Variants in DTL observed in about 807,000 individuals in gnomAD.
DTL encodes denticleless E3 ubiquitin protein ligase adapter, also known as denticleless protein homolog.
In DTL, 46 loss-of-function variants were observed where a neutral mutation model predicts 87.0. The observed-to-expected ratio is 0.53, with a 90% CI of 0.42 to 0.68. The LOEUF (loss-of-function observed/expected upper bound fraction) is 0.68. Ranked by LOEUF, DTL falls within the 30% of genes least tolerant of loss-of-function variation. The pLI, the probability that DTL is intolerant of heterozygous loss-of-function variation, is 0.00. For missense variants in DTL, 737 were observed against 869.4 expected, an observed-to-expected ratio of 0.85 and a Z score of 1.91; for synonymous variants, 308 against 311.2, an observed-to-expected ratio of 0.99 and a Z score of 0.11.
intron 1 of DTL, among the ~76,000 whole-genome samples, 153 bp downstream of exon 1, chr1:212,036,095 G>A (rs1004431832): frequency 6.6e-5 from 10 of 152,294 alleles, no homozygotes; most frequent in African/African-American, 1.9e-4. Flanking sequence ...GACTACTAAA[G>A]AAAGCTGTAC....
intron 12 of DTL, 24 bp downstream of exon 12, chr1:212,078,286 T>C: frequency 7.2e-7 from 1 of 1,390,452 alleles, no homozygotes; most frequent in Non-Finnish European, 1.0e-6. Flanking sequence ...TCTCTATAGT[T>C]GGTTTAAAAT....
chr1:212,041,605 ACT>A (rs1223265920), intron 1 of DTL, among the ~76,000 whole-genome samples: 1 of 150,714 alleles, frequency 6.6e-6, no homozygotes, highest in African/African-American at 2.4e-5. Flanking sequence ...TCCCAGGTTC[ACT>A]CTATTCTCCT....
intron 13 of DTL, among the ~76,000 whole-genome samples, chr1:212,083,253 T>C (rs906784330): frequency 1.3e-5 from 2 of 152,172 alleles, no homozygotes; most frequent in African/African-American, 4.8e-5. Flanking sequence ...CCTTATAATA[T>C]TGTCAGATCT....
intron 13 of DTL, among the ~76,000 whole-genome samples, chr1:212,097,991 C>T (rs529400661): frequency 2.2e-3 from 333 of 152,262 alleles, no homozygotes; most frequent in African/African-American, 7.7e-3. Context: ...TGTTATTGCT[C>T]TTCTGGGTCG....
chr1:212,050,771 T>G (rs1667947597), intron 5 of DTL, among the ~76,000 whole-genome samples: 1 of 152,178 alleles, frequency 6.6e-6, no homozygotes. Context: ...TGTTCTCTTT[T>G]AGTTGTTACT....
chr1:212,066,701 A>G, intron 7 of DTL, 111 bp from the exon 8 acceptor site: 7 of 768,454 alleles, frequency 9.1e-6, no homozygotes, highest in Non-Finnish European at 1.5e-5. Flanking sequence ...ATTAGACAAG[A>G]CTTCATCTAA....
intron 5 of DTL, among the ~76,000 whole-genome samples, chr1:212,051,296 C>T (rs1220757586): frequency 6.6e-6 from 1 of 152,032 alleles, no homozygotes; most frequent in Non-Finnish European, 1.5e-5. Context: ...TTTTTCCTCT[C>T]CTCTGATATC....
chr1:212,062,991 C>T, intron 6 of DTL, 42 bp downstream of exon 6: 1 of 1,464,778 alleles, frequency 6.8e-7, no homozygotes, highest in Non-Finnish European at 9.6e-7. Context: ...TTGGGATTAC[C>T]CTGTACTTAA....
intron 11 of DTL, among the ~76,000 whole-genome samples, chr1:212,073,726 A>G (rs1473506570): frequency 6.6e-6 from 1 of 152,128 alleles, no homozygotes; most frequent in East Asian, 1.9e-4. Context: ...CTTTTTCTAC[A>G]AGCATATTTC....
intron 13 of DTL, 138 bp downstream of exon 13, chr1:212,080,888 T>TG: frequency 5.5e-6 from 5 of 904,012 alleles, no homozygotes; most frequent in Non-Finnish European, 8.2e-6. Flanking sequence ...TCATTCTTTT[T>TG]GATAAGTATT....
chr1:212,080,777 T>G, intron 13 of DTL, 27 bp downstream of exon 13: 2 of 1,610,722 alleles, frequency 1.2e-6, no homozygotes, highest in Non-Finnish European at 1.7e-6. Context: ...CTTTCCAAGT[T>G]TTTTATGGTT....
At chr1:212,087,935 C>T (rs1198562438) in intron 13 of DTL, among the ~76,000 whole-genome samples, 2 of 151,826 alleles carry the variant, frequency 1.3e-5, no homozygotes, top group African/African-American at 4.8e-5. Flanking sequence ...CTCTTTTTCT[C>T]CTGCCCTACC....
At chr1:212,046,891 A>G (rs1213825546) in intron 3 of DTL, among the ~76,000 whole-genome samples, 1 of 152,186 alleles carries the variant, frequency 6.6e-6, no homozygotes, top group Non-Finnish European at 1.5e-5. Context: ...GGTTGAATTA[A>G]TTTACATTCC....
In DTL at chr1:212,100,637, T is replaced by C. The variant is rs564756188; in HGVS notation, c.1647T>C (p.Asn549=). The change falls in exon 14 of 15, where the codon AAT becomes AAC. Residue 549 remains asparagine (N), a synonymous_variant. Transcript: ENST00000366991. The part of the protein sequence containing the change: ...SQAEACSESR[N]RVKRRLDSSC... ...CAGAGGCTTGCTCTGAGTCTAGAAA[T>C]AGAGTAAAGAGGAGGCTAGACTCAA... The C allele has an allele frequency of 1.9e-6, 3 of 1,613,714 alleles. No homozygotes were observed. Among genetic ancestry groups the C allele is most frequent in the South Asian group, 2.2e-5 (2 of 91,048 alleles).
chr1:212,061,739 G>A lies in DTL; in HGVS notation c.461-1145G>A, dbSNP rs1654324614. Among the ~76,000 whole-genome samples, 3 of 152,166 alleles carry A rather than the reference G, an allele frequency of 2.0e-5. No individual in the cohort carries two copies. In the South Asian group the frequency reaches 6.2e-4, roughly 32 times the overall value. On this transcript the variant is annotated intron_variant, in intron 5 of 14. Transcript: ENST00000366991. Reference sequence around the variant, plus strand: ...GAAATGTCATTCACATCAACATTATGTTAAACAAGCCAGGCACAAAAGATA... The same window carrying A: ...GAAATGTCATTCACATCAACATTATATTAAACAAGCCAGGCACAAAAGATA...
chr1:212,059,944 A>G (rs1028576996), intron 5 of DTL, among the ~76,000 whole-genome samples: 1 of 152,156 alleles, frequency 6.6e-6, no homozygotes, highest in African/African-American at 2.4e-5. Context: ...ACAAAAAAAT[A>G]AAACACTTAG....
rs1019387339 is a variant in DTL at position 212,035,789 on chromosome 1, C to A, written c.-102C>A. The stretch of plus-strand genomic sequence containing the variant: ...GGCTTACAGTGGCGGGAGTTGGAGG[C>A]GATAACGATTTGTGTTGTGAGAGGC... On this transcript the variant is annotated 5_prime_UTR_variant, in exon 1 of 15. Coordinates refer to ENST00000366991, the MANE Select transcript of DTL (RefSeq NM_016448.4). The A allele has an allele frequency of 1.8e-6, 2 of 1,095,126 alleles. No individual in the cohort carries two copies. Among genetic ancestry groups the A allele is most frequent in the African/African-American group, 1.6e-5 (1 of 64,360 alleles). The allele number at this position is 1,095,126 out of a possible 1,614,324, so 67.8% of individuals were successfully genotyped here. A position where few individuals can be genotyped will look rare whatever the true frequency, so the allele number is the denominator to read the frequency against.
Position 212,097,421 on chromosome 1 carries a change from C to A in DTL, c.1262-2831C>A, listed in dbSNP as rs564457714. 9.2e-5 allele frequency among the ~76,000 whole-genome samples: 14 copies of A among 151,702 alleles called. No individual in the cohort carries two copies. The East Asian group carries it at 2.5e-3, about 28-fold the overall frequency. On this transcript the variant is annotated intron_variant, in intron 13 of 14. Transcript: ENST00000366991. The stretch of plus-strand genomic sequence containing the variant: ...GAGCAAGGCCAGAGAAGTTTTTATT[C>A]TTTTGCCTTTGTCTTTGTTGAATTG...
At chr1:212,097,652 T>C (rs1469374124) in intron 13 of DTL, among the ~76,000 whole-genome samples, 1 of 152,216 alleles carries the variant, frequency 6.6e-6, no homozygotes, top group Non-Finnish European at 1.5e-5. Context: ...TAAATTTAAG[T>C]TGGTTTTCAT....
Sources: gnomAD v4.1 joint callset for allele counts (sites outside exome capture counted in the v4.1 genomes callset) on GRCh38, gnomAD v4.1.1 for gene constraint, MANE v1.5 for transcripts, NCBI Gene and HGNC (gene_info 2026-07-23, HGNC 2026-07-21) for gene names.